The following TACC2 variants were observed in gnomAD, a reference collection of about 807,000 sequenced individuals.
TACC2 encodes transforming acidic coiled-coil containing protein 2.
A neutral mutation model predicts 227.3 loss-of-function variants in TACC2; 137 were observed. The observed-to-expected ratio is 0.60, with a 90% CI of 0.52 to 0.69. TACC2 has a LOEUF of 0.69. TACC2 is among the 30% of genes least tolerant of loss of function. The pLI is 0.00. For missense variants in TACC2, 3,470 were observed against 3,694.4 expected (o/e 0.94, Z 1.57); for synonymous variants, 1,523 against 1,487.5 (o/e 1.02, Z -0.55).
intron 16 of TACC2, among the ~76,000 whole-genome samples, chr10:122,234,833 G>T (rs2095827216): frequency 6.6e-6 from 1 of 152,068 alleles, no homozygotes; most frequent in Non-Finnish European, 1.5e-5. Flanking sequence ...GATAAAGTTA[G>T]TTTTAATTAA....
Position 122,183,928 on chromosome 10 carries a change from C to CT in TACC2, c.5835-11110dup, listed in dbSNP as rs931760351. ...GACTTGAGCATCTTGAGAGTGGGAG[C>CT]TTATCTGTCTGGTTCACCAGCCCAG... is the stretch of plus-strand genomic sequence containing the variant. On this transcript the variant is annotated intron_variant, in intron 7 of 22. Transcript: ENST00000369005. 1.6e-4 allele frequency among the ~76,000 whole-genome samples: 25 copies of CT among 152,264 alleles called. No individual in the cohort carries two copies. The East Asian group carries it at 4.8e-3, about 29-fold the overall frequency.
intron 22 of TACC2, among the ~76,000 whole-genome samples, chr10:122,251,990 G>T (rs2096263248): frequency 6.6e-6 from 1 of 152,232 alleles, no homozygotes; most frequent in South Asian, 2.1e-4. Flanking sequence ...GACAATTCTT[G>T]AATGGAGGCG....
In TACC2 at chr10:122,083,178, A is replaced by G. The variant is rs543513548; in HGVS notation, c.678A>G (p.Gln226=). ...EGDQPGGFES[Q]EKEAAGGFPP... is the part of the protein sequence containing the mutation. ...ACCAGCCTGGTGGTTTTGAGTCCCA[A>G]GAGAAAGAGGCTGCAGGTGGCTTTC... is the stretch of plus-strand genomic sequence containing the variant. Residue 226 remains glutamine (Q), a synonymous_variant, in exon 4 of 23, where the codon CAA becomes CAG. Transcript: ENST00000369005. The G allele has an allele frequency of 3.1e-6, 5 of 1,613,330 alleles. No homozygotes were observed. The highest frequency in any genetic ancestry group is 2.2e-5 in the East Asian group (1 of 44,846).
chr10:122,198,467 T>G (rs1463926414), intron 8 of TACC2, among the ~76,000 whole-genome samples: 3 of 152,178 alleles, frequency 2.0e-5, no homozygotes, highest in African/African-American at 7.2e-5. Context: ...AGGGTCATAA[T>G]TACATGTCAT....
chr10:122,163,980 C>A (rs868734879), intron 7 of TACC2: 1 of 1,586,012 alleles, frequency 6.3e-7, no homozygotes. Flanking sequence ...AACCTGGAGG[C>A]TTCCGAGGCA....
chr10:122,129,060 A>AATTATTATT (rs34221080), intron 5 of TACC2, among the ~76,000 whole-genome samples: 22,578 of 128,160 alleles, frequency 0.18, 2,139 homozygotes, highest in Middle Eastern at 0.25. Flanking sequence ...ATCTTATTTT[A>AATTATTATT]ATTATTATTA....
chr10:121,994,974 C>T (rs7903011), intron 1 of TACC2, among the ~76,000 whole-genome samples: 3 of 151,916 alleles, frequency 2.0e-5, no homozygotes, highest in Non-Finnish European at 4.4e-5. Flanking sequence ...TAAGGAGTTG[C>T]GCTGGATGAT....
At chr10:122,002,153 T>A (rs1954449450) in intron 1 of TACC2, among the ~76,000 whole-genome samples, 1 of 152,246 alleles carries the variant, frequency 6.6e-6, no homozygotes, top group African/African-American at 2.4e-5. Context: ...TATCCTCATA[T>A]GATAAAGGGA....
chr10:122,145,224 T>C (rs1338058513), intron 7 of TACC2, among the ~76,000 whole-genome samples: 1 of 152,256 alleles, frequency 6.6e-6, no homozygotes, highest in African/African-American at 2.4e-5. Flanking sequence ...AAAACTTGTA[T>C]GCATGTATTC....
chr10:122,166,359 G>A (rs937961476), intron 7 of TACC2, among the ~76,000 whole-genome samples: 1 of 151,966 alleles, frequency 6.6e-6, no homozygotes, highest in Non-Finnish European at 1.5e-5. Flanking sequence ...GGTGCCTTTG[G>A]GCAGCTTTTG....
At chr10:122,207,635 C>T (rs926770196) in intron 8 of TACC2, among the ~76,000 whole-genome samples, 3 of 152,176 alleles carry the variant, frequency 2.0e-5, no homozygotes, top group Admixed American at 6.5e-5. Context: ...GATAAGAAAC[C>T]CTGCAGCAAG....
intron 16 of TACC2, among the ~76,000 whole-genome samples, chr10:122,232,275 G>A (rs973933737): frequency 6.6e-6 from 1 of 152,220 alleles, no homozygotes; most frequent in Admixed American, 6.5e-5. Context: ...TTTGGCCACT[G>A]TAAGTACCAT....
In TACC2 at chr10:121,989,484, G is replaced by A. The variant is rs1375882895; in HGVS notation, c.-50G>A. 6.6e-6 allele frequency: 1 copy of A among 152,240 alleles called. No homozygotes were observed. The highest frequency in any genetic ancestry group is 1.5e-5 in the Non-Finnish European group (1 of 68,062). The allele number at this position is 152,240 out of a possible 1,614,324, so 9.4% of individuals were successfully genotyped here. On this transcript the variant is annotated 5_prime_UTR_variant, in exon 1 of 23. It adds an upstream start codon to the 5' untranslated region. Transcript: ENST00000369005. ...AGATTCCCTACTGGTAACAGCTGGA[G>A]TGCGGTAAGTAAGGAGGAGAGGGCT...
intron 7 of TACC2, among the ~76,000 whole-genome samples, chr10:122,178,786 G>T (rs2093849380): frequency 6.6e-6 from 1 of 152,112 alleles, no homozygotes; most frequent in Admixed American, 6.6e-5. Context: ...AGGCTGAGGT[G>T]GGAGGATCAC....
intron 6 of TACC2, among the ~76,000 whole-genome samples, chr10:122,135,468 A>C (rs2089421903): frequency 6.6e-6 from 1 of 152,206 alleles, no homozygotes; most frequent in Admixed American, 6.5e-5. Context: ...TGCAGGCATG[A>C]TTAAAACCTG....
Position 122,217,442 on chromosome 10 carries a change from T to C in TACC2, c.7546+614T>C, listed in dbSNP as rs540721438. Among the ~76,000 whole-genome samples, 153 of 141,956 alleles carry C rather than the reference T, an allele frequency of 1.1e-3. 1 individual carries two copies. Among genetic ancestry groups the C allele is most frequent in the African/African-American group, 2.0e-3 (78 of 39,150 alleles). 93.1% of individuals were successfully genotyped at this position (141,956 alleles called of 152,430 possible). On this transcript the variant is annotated intron_variant, in intron 11 of 22. Transcript: ENST00000369005. ...TTTCTTTTTCTTTCTTTTTTCTTTT[T>C]TTTTTTTTTTTTTTTTGAGATGGGG...
At chr10:122,073,315 A>G (rs1202625334) in intron 3 of TACC2, among the ~76,000 whole-genome samples, 1 of 151,724 alleles carries the variant, frequency 6.6e-6, no homozygotes, top group Non-Finnish European at 1.5e-5. Context: ...GAGACGGGGA[A>G]GGAGACATCC....
At chr10:122,031,091 C>T (rs1200650322) in intron 2 of TACC2, among the ~76,000 whole-genome samples, 2 of 152,082 alleles carry the variant, frequency 1.3e-5, no homozygotes, top group Non-Finnish European at 2.9e-5. Context: ...GCCATTTAGC[C>T]TTCCAAATTT....
At position 122,050,469 on chromosome 10, in the gene TACC2, C is replaced by G. The variant is rs138166528; in HGVS notation, c.65C>G (p.Ala22Gly). The G allele has an allele frequency of 6.2e-7, 1 of 1,614,068 alleles. No individual in the cohort carries two copies. Among genetic ancestry groups the G allele is most frequent in the South Asian group, 1.1e-5 (1 of 91,068 alleles). ...RTLSAQTPRS[A>G]QPPGNSQNIK... ...TTATCAGCTCAGACTCCAAGGTCCG[C>G]GCAGCCACCCGGGAACAGTCAGAAT... Residue 22 changes from alanine (A) to glycine (G), a missense_variant, in exon 3 of 23, where the codon GCG (alanine) becomes GGG (glycine). Physicochemically the swap from Ala to Gly is moderately conservative, Grantham distance 60. Around this residue, in one of 10 missense-constraint regions of TACC2, gnomAD observed 405 missense variants for 389.6 expected, o/e 1.04. Coordinates refer to ENST00000369005, the MANE Select transcript of TACC2 (RefSeq NM_206862.4). This position sits in a 1 kb window ranked among gnomAD's most constrained non-coding sequence, Gnocchi z 4.6.
Sources: allele counts gnomAD v4.1 joint callset (sites outside exome capture counted in the v4.1 genomes callset), GRCh38; gene constraint gnomAD v4.1.1; regional missense constraint gnomAD v4.1.1; non-coding constraint Gnocchi (gnomAD v3.1); transcripts MANE v1.5; gene names NCBI Gene and HGNC (gene_info 2026-07-23, HGNC 2026-07-21).